Variants in MED15 observed in about 807,000 individuals in gnomAD.
MED15 encodes mediator complex subunit 15, also known as mediator of RNA polymerase II transcription subunit 15.
Under a neutral mutation model 118.7 loss-of-function variants are expected in MED15, and 41 were observed. That is an observed-to-expected ratio of 0.35 (90% CI 0.27 to 0.45). The LOEUF (loss-of-function observed/expected upper bound fraction) is 0.45, where lower values mean the gene tolerates loss of function less well. Among genes scored for constraint, MED15 ranks in the 20% least tolerant of loss-of-function variants. The pLI, the probability that MED15 is intolerant of heterozygous loss-of-function variation, is 1.00. For synonymous variants in MED15, 436 were observed against 413.9 expected (o/e 1.05, Z -0.65); for missense variants, 740 against 1,025.5 (o/e 0.72, Z 3.80).
At chr22:20,538,263 T>G (rs950388138) in intron 2 of MED15, among the ~76,000 whole-genome samples, 2 of 152,042 alleles carry the variant, frequency 1.3e-5, no homozygotes, top group Non-Finnish European at 2.9e-5. Flanking sequence ...TAGAACTTTT[T>G]TTTTTGAGAC....
At chr22:20,580,407 G>A (rs1254240818) in intron 9 of MED15, among the ~76,000 whole-genome samples, 1 of 152,184 alleles carries the variant, frequency 6.6e-6, no homozygotes, top group Non-Finnish European at 1.5e-5. Flanking sequence ...TTAGGCCACA[G>A]AAAAGAGCTG....
intron 1 of MED15, among the ~76,000 whole-genome samples, chr22:20,521,691 T>C (rs562574571): frequency 8.9e-4 from 125 of 141,068 alleles, no homozygotes; most frequent in African/African-American, 2.5e-3. Context: ...CCACTGCGCC[T>C]GGCCTTATTT....
intron 1 of MED15, chr22:20,523,088 T>G (rs1327012500): frequency 6.6e-6 from 1 of 152,226 alleles, no homozygotes; most frequent in East Asian, 1.9e-4. Context: ...GACATATTGA[T>G]ATATTTCCAC....
chr22:20,584,670 G>C, intron 14 of MED15, 185 bp from the exon 15 acceptor site: 1 of 885,544 alleles, frequency 1.1e-6, no homozygotes. Flanking sequence ...GGACTGTAGG[G>C]AGGATAGGCT....
At chr22:20,522,546 C>T (rs186247992) in intron 1 of MED15, among the ~76,000 whole-genome samples, 3 of 152,096 alleles carry the variant, frequency 2.0e-5, no homozygotes, top group East Asian at 1.9e-4. Context: ...TGTGAATGCT[C>T]GTATTCCGTG....
At chr22:20,517,345 C>T (rs1192309662) in intron 1 of MED15, among the ~76,000 whole-genome samples, 1 of 152,222 alleles carries the variant, frequency 6.6e-6, no homozygotes, top group Non-Finnish European at 1.5e-5. Context: ...CTGCCAGTTC[C>T]TTGACCTGTG....
chr22:20,551,359 C>A, intron 2 of MED15, 77 bp from the exon 3 acceptor site: 1 of 1,345,496 alleles, frequency 7.4e-7, no homozygotes, highest in Non-Finnish European at 1.1e-6. Context: ...TGCCAGCAGG[C>A]GAGGGGGCGG....
chr22:20,560,514 T>C (rs1467231180), intron 5 of MED15, among the ~76,000 whole-genome samples: 1 of 152,250 alleles, frequency 6.6e-6, no homozygotes, highest in Middle Eastern at 3.4e-3. Flanking sequence ...CTGCCCTCCT[T>C]GGCCTCCCAA....
At chr22:20,538,995 C>T (rs1166410988) in intron 2 of MED15, among the ~76,000 whole-genome samples, 1 of 152,112 alleles carries the variant, frequency 6.6e-6, no homozygotes, top group Non-Finnish European at 1.5e-5. Context: ...GCCACCGCAC[C>T]CAGCCACGTA....
At chr22:20,512,238 C>CT in intron 1 of MED15, among the ~76,000 whole-genome samples, 1 of 152,012 alleles carries the variant, frequency 6.6e-6, no homozygotes, top group Non-Finnish European at 1.5e-5. Context: ...ATCCTCCCTA[C>CT]TAGCCTTCCA....
intron 1 of MED15, chr22:20,518,940 C>T (rs1173587991): frequency 2.3e-6 from 1 of 444,060 alleles, no homozygotes; most frequent in African/African-American, 2.0e-5. Context: ...GCAACCTCCA[C>T]CTCCTGGGCT....
At chr22:20,528,574 C>A (rs2146404110) in intron 1 of MED15, among the ~76,000 whole-genome samples, 1 of 152,300 alleles carries the variant, frequency 6.6e-6, no homozygotes, top group East Asian at 1.9e-4. Context: ...GGCCTGGTTC[C>A]TAACAGCCCA....
chr22:20,583,430 G>A, intron 13 of MED15, 37 bp downstream of exon 13: 1 of 1,609,044 alleles, frequency 6.2e-7, no homozygotes, highest in Non-Finnish European at 8.5e-7. Flanking sequence ...GGTCCACAAG[G>A]GCACAGATAG....
At chr22:20,569,371 C>T (rs759850174) in intron 8 of MED15, among the ~76,000 whole-genome samples, 2 of 152,128 alleles carry the variant, frequency 1.3e-5, no homozygotes, top group East Asian at 1.9e-4. Flanking sequence ...GGTCCTGACT[C>T]GGAAGGGGCG....
At chr22:20,524,932 C>T (rs934059222) in intron 1 of MED15, among the ~76,000 whole-genome samples, 2 of 151,972 alleles carry the variant, frequency 1.3e-5, no homozygotes, top group African/African-American at 4.8e-5. Context: ...TTTTTTGAGA[C>T]GCTCCTGGGG....
intron 5 of MED15, among the ~76,000 whole-genome samples, chr22:20,556,426 G>A (rs1043014171): frequency 4.0e-5 from 6 of 151,400 alleles, no homozygotes; most frequent in South Asian, 2.1e-4. Flanking sequence ...CTCAGCCTCC[G>A]ACTACCTGGG....
At chr22:20,583,034 G>A (rs1383447352) in intron 11 of MED15, 67 bp downstream of exon 11, 7 of 1,572,362 alleles carry the variant, frequency 4.5e-6, no homozygotes, top group Non-Finnish European at 5.2e-6. Flanking sequence ...TACTGGGTGT[G>A]CGAGCTCTGG....
chr22:20,564,712 C>T lies in MED15; in HGVS notation c.690+24C>T, dbSNP rs558105292. On this transcript the variant is annotated intron_variant, in intron 6 of 17. Coordinates refer to ENST00000263205, the MANE Select transcript of MED15 (RefSeq NM_001003891.3). ...AGGTACCAGGTCCCCTGTTCCTGCTCTTGGCCTCCCTCCTGCAGCGTGAGC... is the reference window on the plus strand; with the variant it reads ...AGGTACCAGGTCCCCTGTTCCTGCTTTTGGCCTCCCTCCTGCAGCGTGAGC... The T allele has an allele frequency of 2.5e-6, 4 of 1,613,818 alleles. No homozygotes were observed. In the Admixed American group the frequency reaches 5.0e-5, roughly 20 times the overall value.
intron 4 of MED15, among the ~76,000 whole-genome samples, chr22:20,553,825 C>T (rs142756622): frequency 3.1e-4 from 47 of 152,294 alleles, no homozygotes; most frequent in Non-Finnish European, 5.1e-4. Flanking sequence ...GAGTTGAGAT[C>T]GTGCCACTGC....
Sources: gnomAD v4.1 joint callset for allele counts (sites outside exome capture counted in the v4.1 genomes callset) on GRCh38, gnomAD v4.1.1 for gene constraint, MANE v1.5 for transcripts, NCBI Gene and HGNC (gene_info 2026-07-23, HGNC 2026-07-21) for gene names.